HOMER1: variants seen among roughly 807,000 people sequenced by gnomAD.
The protein encoded by HOMER1 is homer scaffold protein 1, also known as homer protein homolog 1.
A neutral mutation model predicts 48.9 loss-of-function variants in HOMER1; 3 were observed. The observed-to-expected ratio is 0.06, with a 90% CI of 0.03 to 0.16. The LOEUF is 0.16. Ranked by LOEUF, HOMER1 falls within the 10% of genes least tolerant of loss-of-function variation. The probability of loss-of-function intolerance (pLI) is 1.00; values close to 1 mark genes in which losing one functional copy is unlikely to be tolerated. For missense variants in HOMER1, 247 were observed against 411.4 expected (o/e 0.60, Z 3.46); for synonymous variants, 134 against 146.4 (o/e 0.92, Z 0.61).
intron 1 of HOMER1, among the ~76,000 whole-genome samples, chr5:79,457,722 T>C (rs1463678056): frequency 6.6e-6 from 1 of 152,136 alleles, no homozygotes; most frequent in Non-Finnish European, 1.5e-5. Flanking sequence ...TTGATGAAAA[T>C]GTCGTGAGCA....
chr5:79,422,433 G>A (rs184040969), intron 5 of HOMER1, among the ~76,000 whole-genome samples: 1 of 152,108 alleles, frequency 6.6e-6, no homozygotes, highest in East Asian at 1.9e-4. Context: ...TCCATATGGT[G>A]ACTTAAAATT....
chr5:79,453,336 T>C (rs1751079642), intron 2 of HOMER1, among the ~76,000 whole-genome samples: 1 of 152,174 alleles, frequency 6.6e-6, no homozygotes, highest in Non-Finnish European at 1.5e-5. Context: ...TTTATAGGCA[T>C]CTAAGAAAAC....
intron 1 of HOMER1, among the ~76,000 whole-genome samples, chr5:79,492,222 CCAT>C (rs970001191): frequency 2.0e-5 from 3 of 152,086 alleles, no homozygotes; most frequent in Non-Finnish European, 2.9e-5. Context: ...TAAATGCATT[CCAT>C]CATCATGAAA....
intron 1 of HOMER1, among the ~76,000 whole-genome samples, chr5:79,470,159 T>G (rs745481432): frequency 6.6e-6 from 1 of 152,184 alleles, no homozygotes; most frequent in Non-Finnish European, 1.5e-5. Context: ...GGGAATCCTA[T>G]AGATAAACGG....
chr5:79,385,921 C>G (rs1190357596), intron 8 of HOMER1, among the ~76,000 whole-genome samples: 1 of 145,614 alleles, frequency 6.9e-6, no homozygotes, highest in Non-Finnish European at 1.5e-5. Flanking sequence ...CAGATAACAT[C>G]AGAATTGAAT....
chr5:79,470,234 T>C lies in HOMER1; in HGVS notation c.6-13216A>G, dbSNP rs912576430. 9.2e-5 allele frequency among the ~76,000 whole-genome samples: 14 copies of C among 152,170 alleles called. No homozygotes were observed. The East Asian group carries it at 1.9e-3, about 21-fold the overall frequency. On this transcript the variant is annotated intron_variant, in intron 1 of 8. Coordinates refer to ENST00000334082, the MANE Select transcript of HOMER1 (RefSeq NM_004272.5). Reference sequence around the variant, plus strand: ...CCCTAGGTCACAATCCAGGGAGTCATGATCAATCTACTGGTCAACAAGGGG... The same window carrying C: ...CCCTAGGTCACAATCCAGGGAGTCACGATCAATCTACTGGTCAACAAGGGG...
chr5:79,429,937 G>C (rs1004922278), intron 5 of HOMER1, among the ~76,000 whole-genome samples: 1 of 151,746 alleles, frequency 6.6e-6, no homozygotes, highest in African/African-American at 2.4e-5. Flanking sequence ...GCAGGGGAAT[G>C]GCATGAACCC....
intron 5 of HOMER1, among the ~76,000 whole-genome samples, chr5:79,419,357 T>C (rs1750034380): frequency 6.6e-6 from 1 of 152,206 alleles, no homozygotes; most frequent in Non-Finnish European, 1.5e-5. Context: ...TACTAAAATG[T>C]GCTTCTATAG....
intron 8 of HOMER1, among the ~76,000 whole-genome samples, chr5:79,396,508 A>C (rs1425373083): frequency 6.6e-6 from 1 of 151,868 alleles, no homozygotes; most frequent in African/African-American, 2.4e-5. Context: ...CAGCATCCCA[A>C]AGTGCTGAAA....
At chr5:79,405,524 T>G (rs1360000081) in intron 5 of HOMER1, among the ~76,000 whole-genome samples, 2 of 152,208 alleles carry the variant, frequency 1.3e-5, no homozygotes, top group Non-Finnish European at 2.9e-5. Context: ...TTCTTCTCAA[T>G]CAGATTCTCA....
chr5:79,438,920 C>G, intron 5 of HOMER1, 90 bp downstream of exon 5: 1 of 966,770 alleles, frequency 1.0e-6, no homozygotes, highest in Non-Finnish European at 1.5e-6. Context: ...GGAGTTTTCA[C>G]TCAAAGCTTG....
chr5:79,399,781 A>G (rs1253111426), intron 6 of HOMER1, among the ~76,000 whole-genome samples: 1 of 152,110 alleles, frequency 6.6e-6, no homozygotes, highest in African/African-American at 2.4e-5. Context: ...AATGTAACTT[A>G]TAATCAAGAC....
At chr5:79,450,875 T>G (rs1751009497) in intron 3 of HOMER1, 115 bp downstream of exon 3, 1 of 1,028,214 alleles carries the variant, frequency 9.7e-7, no homozygotes, top group Non-Finnish European at 1.4e-6. Context: ...TACTGCTGTT[T>G]CGAGAATATT....
At chr5:79,387,196 T>C (rs778756936) in intron 8 of HOMER1, among the ~76,000 whole-genome samples, 2 of 151,866 alleles carry the variant, frequency 1.3e-5, no homozygotes, top group African/African-American at 2.4e-5. Context: ...GGTGCAATCA[T>C]GGCTCCCTGC....
chr5:79,503,343 G>GA lies in HOMER1; in HGVS notation c.5+9426dup, dbSNP rs1307412499. On this transcript the variant is annotated intron_variant, in intron 1 of 8. Coordinates refer to ENST00000334082, the MANE Select transcript of HOMER1 (RefSeq NM_004272.5). ...AGGTCAGGAGCTCGAGACCAGCCTG[G>GA]AAAACACGAAATCCCGTCTCTACTA... 2.6e-5 allele frequency among the ~76,000 whole-genome samples: 4 copies of GA among 151,518 alleles called. No homozygotes were observed. In the South Asian group the frequency reaches 8.3e-4, roughly 32 times the overall value.
At chr5:79,459,706 A>T (rs6453451) in intron 1 of HOMER1, among the ~76,000 whole-genome samples, 1 of 152,094 alleles carries the variant, frequency 6.6e-6, no homozygotes, top group Non-Finnish European at 1.5e-5. Flanking sequence ...GAAAAATTCA[A>T]TTTGGTGACA....
intron 4 of HOMER1, among the ~76,000 whole-genome samples, chr5:79,446,149 C>T (rs764423724): frequency 3.9e-5 from 6 of 152,172 alleles, no homozygotes; most frequent in Non-Finnish European, 7.3e-5. Context: ...AATCCAGAGC[C>T]ATACCTCCTC....
At chr5:79,441,487 T>C (rs1340434253) in intron 4 of HOMER1, among the ~76,000 whole-genome samples, 1 of 152,082 alleles carries the variant, frequency 6.6e-6, no homozygotes, top group African/African-American at 2.4e-5. Flanking sequence ...AAGAAAGGGA[T>C]AGAGGTTGTA....
intron 5 of HOMER1, among the ~76,000 whole-genome samples, chr5:79,430,795 A>T (rs1033092182): frequency 6.6e-6 from 1 of 151,758 alleles, no homozygotes; most frequent in Admixed American, 6.6e-5. Context: ...AAATTAGCTG[A>T]GCATGGTGGC....
Sources: gnomAD v4.1 joint callset for allele counts (sites outside exome capture counted in the v4.1 genomes callset) on GRCh38, gnomAD v4.1.1 for gene constraint, MANE v1.5 for transcripts, NCBI Gene and HGNC (gene_info 2026-07-23, HGNC 2026-07-21) for gene names.